Variants in RASAL2 observed in about 807,000 individuals in gnomAD.
RASAL2 encodes the protein ras GTPase-activating protein nGAP.
A neutral mutation model predicts 128.9 loss-of-function variants in RASAL2; 58 were observed. That is an observed-to-expected ratio of 0.45 (90% CI 0.36 to 0.56). The LOEUF (loss-of-function observed/expected upper bound fraction) is 0.56, where lower values mean the gene tolerates loss of function less well. RASAL2 is among the 20% of genes least tolerant of loss of function. RASAL2 has a pLI of 0.00. For synonymous variants in RASAL2, 561 were observed against 580.8 expected (o/e 0.97, Z 0.49); for missense variants, 1,360 against 1,601.6 (o/e 0.85, Z 2.57).
At chr1:178,263,613 T>C (rs1665800319) in intron 1 of RASAL2, among the ~76,000 whole-genome samples, 1 of 152,244 alleles carries the variant, frequency 6.6e-6, no homozygotes, top group African/African-American at 2.4e-5. Context: ...TGTTAACTTA[T>C]TGAATCAAAT....
rs889731347 is a variant in RASAL2 at position 178,314,971 on chromosome 1, G to A, written c.457+14853G>A. ...CACCCCACCACAGTCCCCAGAGTGT[G>A]ATATTCCCCTTCCTGTGTCCATGTG... On this transcript the variant is annotated intron_variant, in intron 3 of 17. Transcript: ENST00000367649. Among the ~76,000 whole-genome samples, 264 of 134,816 alleles carry A rather than the reference G, an allele frequency of 2.0e-3. 3 individuals are homozygous for A. Among genetic ancestry groups the A allele is most frequent in the African/African-American group, 6.8e-3 (241 of 35,290 alleles). 88.4% of individuals were successfully genotyped at this position (134,816 alleles called of 152,430 possible).
In RASAL2 at chr1:178,441,650, A is replaced by G. The variant is rs1200304156; in HGVS notation, c.927+3A>G. On this transcript the variant is annotated splice_donor_region_variant and intron_variant, in intron 7 of 17. Coordinates refer to ENST00000367649, the MANE Select transcript of RASAL2 (RefSeq NM_170692.4). ...GCAGGACAGTTCAACCTAATAAGGT[A>G]ATAGTAGCTTCAAGTATCTAAAAAA... The G allele has an allele frequency of 6.2e-7, 1 of 1,602,714 alleles. No individual in the cohort carries two copies. The highest frequency in any genetic ancestry group is 1.3e-5 in the African/African-American group (1 of 74,630).
rs1488474708 is a variant in RASAL2, at chr1:178,474,500, A to G, written c.*1261A>G. The stretch of plus-strand genomic sequence containing the variant: ...ATGGCACATTCCAGTTATTATTCCA[A>G]TGCTCGTAGATCTGACAATAATGAC... On this transcript the variant is annotated 3_prime_UTR_variant, in exon 18 of 18. Transcript: ENST00000367649. 1.3e-5 allele frequency: 2 copies of G among 152,208 alleles called. No homozygotes were observed. The highest frequency in any genetic ancestry group is 2.9e-5 in the Non-Finnish European group (2 of 68,036). 9.4% of individuals were successfully genotyped at this position (152,208 alleles called of 1,614,324 possible). A position where few individuals can be genotyped will look rare whatever the true frequency, so the allele number is the denominator to read the frequency against.
At position 178,451,662 on chromosome 1, in the gene RASAL2, C is replaced by T. The variant is rs1189377022; in HGVS notation, c.1719C>T (p.Ser573=). The T allele has an allele frequency of 1.2e-6, 2 of 1,613,866 alleles. No homozygotes were observed. The highest frequency in any genetic ancestry group is 2.2e-5 in the South Asian group (2 of 91,064). ...CSSSELIDHQ[S]NLKMCCELAF... ...CTAGTGAACTGATAGACCATCAGAG[C>T]AACCTGAAAATGTGCTGTGAGCTGG... Residue 573 remains serine (S), a synonymous_variant, in exon 10 of 18, where the codon AGC becomes AGT. Coordinates refer to ENST00000367649, the MANE Select transcript of RASAL2 (RefSeq NM_170692.4).
chr1:178,148,536 C>T (rs1054591821), intron 1 of RASAL2, among the ~76,000 whole-genome samples: 10 of 150,526 alleles, frequency 6.6e-5, no homozygotes, highest in African/African-American at 2.2e-4. Flanking sequence ...GCAGCTTCAA[C>T]CTCCTGGGCT....
chr1:178,357,521 A>T (rs1644239228), intron 3 of RASAL2, among the ~76,000 whole-genome samples: 1 of 152,082 alleles, frequency 6.6e-6, no homozygotes, highest in East Asian at 1.9e-4. Flanking sequence ...GATATAGGGA[A>T]TTCTAATTAG....
chr1:178,377,271 A>G (rs531218929), intron 3 of RASAL2, among the ~76,000 whole-genome samples: 4 of 152,252 alleles, frequency 2.6e-5, no homozygotes, highest in Non-Finnish European at 4.4e-5. Flanking sequence ...TCAAAAATTG[A>G]AACTCTAATT....
Position 178,473,428 on chromosome 1 carries a change from TC to T in RASAL2, c.*194del, listed in dbSNP as rs1305648630. On this transcript the variant is annotated 3_prime_UTR_variant, in exon 18 of 18. Transcript: ENST00000367649. ...CGGCGACTTCCAAGGTCAATGCTTT[TC>T]CCCCACATCTCTATGTACATAGGGA... is the stretch of plus-strand genomic sequence containing the variant. 3 of 649,478 alleles carry T rather than the reference TC, an allele frequency of 4.6e-6. No individual in the cohort carries two copies. The highest frequency in any genetic ancestry group is 7.8e-6 in the Non-Finnish European group (3 of 382,960). 40.2% of individuals were successfully genotyped at this position (649,478 alleles called of 1,614,324 possible). A position where few individuals can be genotyped will look rare whatever the true frequency, so the allele number is the denominator to read the frequency against.
At chr1:178,434,369 T>G (rs1676119609) in intron 5 of RASAL2, among the ~76,000 whole-genome samples, 1 of 152,168 alleles carries the variant, frequency 6.6e-6, no homozygotes, top group Non-Finnish European at 1.5e-5. Flanking sequence ...TACATGTATA[T>G]GTACCAAGTA....
At chr1:178,427,769 A>G (rs1675607317) in intron 5 of RASAL2, among the ~76,000 whole-genome samples, 1 of 151,968 alleles carries the variant, frequency 6.6e-6, no homozygotes, top group African/African-American at 2.4e-5. Context: ...GTTTTCGCCA[A>G]TTTTACATGC....
rs1364542708 is a variant in RASAL2, at chr1:178,475,723, G to T, written c.*2484G>T. On this transcript the variant is annotated 3_prime_UTR_variant, in exon 18 of 18. Coordinates refer to ENST00000367649, the MANE Select transcript of RASAL2 (RefSeq NM_170692.4). The stretch of plus-strand genomic sequence containing the variant: ...TTAGCATTATGGGAGCTCCTTAGAG[G>T]GCTGTCTTCACTGAAAGATTTAATG... 1 of 143,330 alleles carries T rather than the reference G, an allele frequency of 7.0e-6. No homozygotes were observed. Among genetic ancestry groups the T allele is most frequent in the Non-Finnish European group, 1.5e-5 (1 of 64,740 alleles). The allele number at this position is 143,330 out of a possible 1,614,324, so 8.9% of individuals were successfully genotyped here. A position where few individuals can be genotyped will look rare whatever the true frequency, so the allele number is the denominator to read the frequency against.
intron 4 of RASAL2, among the ~76,000 whole-genome samples, chr1:178,409,097 G>A (rs1423323536): frequency 3.9e-5 from 6 of 152,134 alleles, no homozygotes; most frequent in African/African-American, 9.7e-5. Flanking sequence ...GAGAGCAAGC[G>A]GGGAACTGCC....
intron 1 of RASAL2, among the ~76,000 whole-genome samples, chr1:178,244,291 G>A (rs1440739945): frequency 2.0e-5 from 3 of 151,988 alleles, no homozygotes; most frequent in Non-Finnish European, 2.9e-5. Context: ...CACCCAGGCT[G>A]GACTGCAGTG....
chr1:178,267,326 T>C (rs1035665607), intron 1 of RASAL2, among the ~76,000 whole-genome samples: 5 of 152,200 alleles, frequency 3.3e-5, no homozygotes, highest in Admixed American at 3.3e-4. Flanking sequence ...TTTCCTATTA[T>C]GGCGGATGAG....
At chr1:178,139,705 G>T (rs1473417039) in intron 1 of RASAL2, among the ~76,000 whole-genome samples, 1 of 151,728 alleles carries the variant, frequency 6.6e-6, no homozygotes. Flanking sequence ...ATATAAAATT[G>T]TCAGTTGTCA....
intron 3 of RASAL2, among the ~76,000 whole-genome samples, chr1:178,328,027 T>G (rs1334422495): frequency 6.6e-6 from 1 of 152,164 alleles, no homozygotes; most frequent in East Asian, 1.9e-4. Flanking sequence ...GCTCTGCCTA[T>G]GCCTTGATTT....
intron 3 of RASAL2, among the ~76,000 whole-genome samples, chr1:178,386,888 A>C (rs1672603629): frequency 6.6e-6 from 1 of 151,324 alleles, no homozygotes; most frequent in African/African-American, 2.4e-5. Flanking sequence ...CTTCAAACTG[A>C]GCAGAAATGT....
intron 3 of RASAL2, among the ~76,000 whole-genome samples, chr1:178,356,069 T>G (rs1571916799): frequency 1.3e-5 from 2 of 149,964 alleles, no homozygotes; most frequent in African/African-American, 4.9e-5. Flanking sequence ...CCTGGGAGGC[T>G]GAGGCAGAGA....
chr1:178,094,591 C>A lies in RASAL2; in HGVS notation c.99C>A (p.Asp33Glu). The A allele has an allele frequency of 6.2e-7, 1 of 1,610,778 alleles. No homozygotes were observed. Among genetic ancestry groups the A allele is most frequent in the Non-Finnish European group, 8.5e-7 (1 of 1,178,700 alleles). The stretch of plus-strand genomic sequence containing the variant: ...CCGACTCGCCGCTGCCCCCGGAGGA[C>A]CTGGACGCGGTTGTCCCAGTCAGTG... ...LESDSPLPPE[D>E]LDAVVPVSGA... Residue 33 changes from aspartate (D) to glutamate (E), a missense_variant, in exon 1 of 18, where the codon GAC becomes GAA. Coordinates refer to ENST00000367649, the MANE Select transcript of RASAL2 (RefSeq NM_170692.4).
Sources: gnomAD v4.1 joint callset for allele counts (sites outside exome capture counted in the v4.1 genomes callset) on GRCh38, gnomAD v4.1.1 for gene constraint, MANE v1.5 for transcripts, NCBI Gene and HGNC (gene_info 2026-07-23, HGNC 2026-07-21) for gene names.